Variants in ASTN2 observed in about 807,000 individuals in gnomAD.
ASTN2 encodes the protein astrotactin-2.
ASTN2 carries 54 observed loss-of-function variants against 139.8 expected under a neutral mutation model. The observed-to-expected ratio is 0.39, with a 90% CI of 0.31 to 0.48. The LOEUF is 0.48. ASTN2 is among the 20% of genes least tolerant of loss of function. ASTN2 has a pLI of 0.95. For missense variants in ASTN2, 1,565 were observed against 1,725.1 expected (o/e 0.91, Z 1.64); for synonymous variants, 756 against 719.5 (o/e 1.05, Z -0.81).
intron 11 of ASTN2, among the ~76,000 whole-genome samples, chr9:116,841,426 T>C (rs1007219590): frequency 2.6e-5 from 4 of 152,074 alleles, no homozygotes; most frequent in African/African-American, 9.7e-5. Context: ...TTATTTTTTG[T>C]AGATATGGAG....
chr9:117,011,445 G>A (rs1263018558), intron 6 of ASTN2, among the ~76,000 whole-genome samples: 1 of 152,172 alleles, frequency 6.6e-6, no homozygotes, highest in Non-Finnish European at 1.5e-5. Flanking sequence ...TAAGGAAATG[G>A]ACCCTTATCA....
At chr9:117,365,671 C>T (rs1708042287) in intron 1 of ASTN2, among the ~76,000 whole-genome samples, 1 of 152,134 alleles carries the variant, frequency 6.6e-6, no homozygotes, top group Non-Finnish European at 1.5e-5. Flanking sequence ...AGCGTGTACC[C>T]ATAAAGGAGA....
chr9:116,620,349 G>A lies in ASTN2; in HGVS notation c.3167C>T (p.Ala1056Val). The change falls in exon 18 of 23, where the codon GCC becomes GTC. Residue 1056 changes from alanine (A) to valine (V), a missense_variant. Ala to Val is a moderately conservative substitution (Grantham distance 64). Coordinates refer to ENST00000313400, the MANE Select transcript of ASTN2 (RefSeq NM_001365068.1). The part of the protein sequence containing the change: ...WCRCDLSAFD[A>V]NGLPNCSPLL... ...GGGGCTGCAGTTGGGGAGCCCATTG[G>A]CATCAAAGGCGCTGAGGTCACACCT... The A allele has an allele frequency of 1.9e-6, 3 of 1,614,148 alleles. No homozygotes were observed. In the South Asian group the frequency reaches 3.3e-5, roughly 18 times the overall value.
chr9:117,056,132 T>G (rs1239208696), intron 5 of ASTN2, among the ~76,000 whole-genome samples: 1 of 152,226 alleles, frequency 6.6e-6, no homozygotes, highest in Non-Finnish European at 1.5e-5. Flanking sequence ...CAGCTCTGGT[T>G]GACAACTTCA....
intron 19 of ASTN2, among the ~76,000 whole-genome samples, chr9:116,580,853 A>G (rs367874604): frequency 1.3e-3 from 193 of 152,308 alleles, no homozygotes; most frequent in African/African-American, 4.4e-3. Flanking sequence ...ACCCTGGAAA[A>G]AGAGAGAAAT....
intron 7 of ASTN2, among the ~76,000 whole-genome samples, chr9:117,000,221 C>A (rs1837156471): frequency 6.6e-6 from 1 of 152,096 alleles, no homozygotes. Flanking sequence ...TGAAATTATT[C>A]TTCTCATTTT....
intron 2 of ASTN2, among the ~76,000 whole-genome samples, chr9:117,281,292 A>C (rs1834317904): frequency 6.6e-6 from 1 of 152,130 alleles, no homozygotes; most frequent in African/African-American, 2.4e-5. Flanking sequence ...AGGTTCAGAA[A>C]GGTTCAGTAA....
At chr9:117,246,353 G>A (rs1284666247) in intron 2 of ASTN2, among the ~76,000 whole-genome samples, 1 of 152,160 alleles carries the variant, frequency 6.6e-6, no homozygotes, top group African/African-American at 2.4e-5. Flanking sequence ...GAGAAACCAA[G>A]GCCTAGAGCA....
intron 19 of ASTN2, among the ~76,000 whole-genome samples, chr9:116,513,474 GTGTC>G (rs1850495825): frequency 6.6e-6 from 1 of 151,698 alleles, no homozygotes; most frequent in Admixed American, 6.5e-5. Flanking sequence ...TGATAATTAT[GTGTC>G]TTGGAGTTGC....
chr9:117,335,555 T>C (rs1226729486), intron 1 of ASTN2, among the ~76,000 whole-genome samples: 2 of 152,186 alleles, frequency 1.3e-5, no homozygotes, highest in Non-Finnish European at 2.9e-5. Context: ...GGAGGGTCAT[T>C]TCATTAATTT....
intron 17 of ASTN2, among the ~76,000 whole-genome samples, chr9:116,638,381 A>G (rs10983287): frequency 0.024 from 3,611 of 152,304 alleles, 142 homozygotes; most frequent in African/African-American, 0.082. Context: ...CATTGCCACA[A>G]GTAACTAACA....
At chr9:116,920,500 T>C (rs879815483) in intron 10 of ASTN2, among the ~76,000 whole-genome samples, 1 of 152,226 alleles carries the variant, frequency 6.6e-6, no homozygotes, top group East Asian at 1.9e-4. Flanking sequence ...ACCTGTCTAC[T>C]GCAAGCTCCC....
At chr9:116,544,262 C>G (rs1851999092) in intron 19 of ASTN2, among the ~76,000 whole-genome samples, 1 of 151,918 alleles carries the variant, frequency 6.6e-6, no homozygotes, top group South Asian at 2.1e-4. Context: ...ATGGAGTGTC[C>G]CCAGATATTT....
At chr9:117,013,541 T>C (rs1177287555) in intron 6 of ASTN2, among the ~76,000 whole-genome samples, 1 of 151,530 alleles carries the variant, frequency 6.6e-6, no homozygotes, top group East Asian at 1.9e-4. Context: ...ATTAGCTAAA[T>C]GGATTTTCAG....
At chr9:117,086,742 C>A (rs1828573286) in intron 5 of ASTN2, among the ~76,000 whole-genome samples, 1 of 152,100 alleles carries the variant, frequency 6.6e-6, no homozygotes, top group South Asian at 2.1e-4. Context: ...ATGTCCAGGC[C>A]CTGTAATAAC....
intron 13 of ASTN2, among the ~76,000 whole-genome samples, chr9:116,744,177 CAT>C (rs111884050): frequency 2.0e-5 from 3 of 152,214 alleles, no homozygotes; most frequent in African/African-American, 7.2e-5. Context: ...TGTGTGGGCG[CAT>C]GTGTGTGTAT....
chr9:117,042,709 T>G (rs1184739584), intron 5 of ASTN2, among the ~76,000 whole-genome samples: 1 of 152,080 alleles, frequency 6.6e-6, no homozygotes, highest in East Asian at 1.9e-4. Context: ...CAATCTAACA[T>G]CAACGTTATC....
intron 1 of ASTN2, among the ~76,000 whole-genome samples, chr9:117,305,867 G>A (rs1449124307): frequency 6.6e-6 from 1 of 152,194 alleles, no homozygotes; most frequent in African/African-American, 2.4e-5. Flanking sequence ...GCCAGCACAA[G>A]AACCAGCACA....
rs115032889 is a variant in ASTN2, at chr9:116,854,584, G to A, written c.2040+8999C>T. ...AGCAGTGATTTATGCAGGGCTTGCA[G>A]ACAACAGTTGGGAAAACTAGGAGTG... On this transcript the variant is annotated intron_variant, in intron 11 of 22. Coordinates refer to ENST00000313400, the MANE Select transcript of ASTN2 (RefSeq NM_001365068.1). Among the ~76,000 whole-genome samples, 913 of 151,942 alleles carry A rather than the reference G, an allele frequency of 6.0e-3. 8 individuals carry two copies. The highest frequency in any genetic ancestry group is 0.021 in the African/African-American group (859 of 41,438).
Sources: allele counts gnomAD v4.1 joint callset (sites outside exome capture counted in the v4.1 genomes callset), GRCh38; gene constraint gnomAD v4.1.1; transcripts MANE v1.5; gene names NCBI Gene and HGNC (gene_info 2026-07-23, HGNC 2026-07-21).